GALNT3: variants seen among roughly 807,000 people sequenced by gnomAD.
The protein encoded by GALNT3 is GalNAc transferase 3.
GALNT3 carries 51 observed loss-of-function variants against 69.8 expected under a neutral mutation model. That is an observed-to-expected ratio of 0.73 (90% CI 0.58 to 0.92). GALNT3 has a LOEUF of 0.92. GALNT3 is among the 40% of genes least tolerant of loss of function. The pLI is 0.00. For missense variants in GALNT3, 711 were observed against 760.0 expected (o/e 0.94, Z 0.76); for synonymous variants, 265 against 248.5 (o/e 1.07, Z -0.63).
chr2:165,780,885 A>T (rs1406471347), intron 1 of GALNT3, among the ~76,000 whole-genome samples: 3 of 152,106 alleles, frequency 2.0e-5, no homozygotes, highest in African/African-American at 7.2e-5. Context: ...CGCTAACCTT[A>T]TGGAAAGATA....
Position 165,770,445 on chromosome 2 carries a change from C to G in GALNT3, c.256G>C (p.Val86Leu). 1.2e-6 allele frequency: 2 copies of G among 1,614,236 alleles called. No individual in the cohort carries two copies. Among genetic ancestry groups the G allele is most frequent in the Non-Finnish European group, 1.7e-6 (2 of 1,180,046 alleles). Residue 86 changes from valine to leucine, a missense_variant, in exon 2 of 11, where the codon GTC (valine) becomes CTC (leucine). By Grantham distance (32) the Val-to-Leu change is conservative. Coordinates refer to ENST00000392701, the MANE Select transcript of GALNT3 (RefSeq NM_004482.4). ...TCACCAGCATCAATGTTTTGCCTGACAGGTGCTCCTATTTGCATTTTTGGC... is the reference window on the plus strand; with the variant it reads ...TCACCAGCATCAATGTTTTGCCTGAGAGGTGCTCCTATTTGCATTTTTGGC... Reference protein sequence around the residue: ...AMPKMQIGAPVRQNIDAGERP... With the variant: ...AMPKMQIGAPLRQNIDAGERP...
intron 1 of GALNT3, among the ~76,000 whole-genome samples, chr2:165,786,103 G>A (rs1005717593): frequency 2.6e-5 from 4 of 152,212 alleles, no homozygotes; most frequent in African/African-American, 7.2e-5. Context: ...GGGAGGTCAA[G>A]GAGGGAGAGT....
chr2:165,784,321 G>C (rs953277545), intron 1 of GALNT3, among the ~76,000 whole-genome samples: 1 of 152,180 alleles, frequency 6.6e-6, no homozygotes, highest in Non-Finnish European at 1.5e-5. Context: ...GATTGTCGTT[G>C]AAGTTGTGCT....
Position 165,748,094 on chromosome 2 carries a change from C to G in GALNT3, c.*687G>C, listed in dbSNP as rs191523871. ...TTTAAAAGTGCTTTGGGAAAACACA[C>G]AGTATCATTACTTAAGAAAAGTCAT... On this transcript the variant is annotated 3_prime_UTR_variant, in exon 11 of 11. Transcript: ENST00000392701. 5.5e-6 allele frequency: 1 copy of G among 182,904 alleles called. No homozygotes were observed. The highest frequency in any genetic ancestry group is 1.2e-5 in the Non-Finnish European group (1 of 85,976). 11.3% of individuals were successfully genotyped at this position (182,904 alleles called of 1,614,324 possible).
chr2:165,766,688 G>A (rs1688649201), intron 2 of GALNT3, among the ~76,000 whole-genome samples: 1 of 59,998 alleles, frequency 1.7e-5, no homozygotes, highest in Non-Finnish European at 5.6e-5. Flanking sequence ...TCACCCTTCA[G>A]TTCCTCTGCC....
At position 165,764,871 on chromosome 2, in the gene GALNT3, T is replaced by C; in HGVS notation, c.688+13A>G. 1 of 1,613,782 alleles carries C rather than the reference T, an allele frequency of 6.2e-7. No individual in the cohort carries two copies. Among genetic ancestry groups the C allele is most frequent in the South Asian group, 1.1e-5 (1 of 91,066 alleles). ...GATTTGGGAAACAATCTAATTTGCA[T>C]GTGCTTTCTTACCATCTACACTAGC... is the stretch of plus-strand genomic sequence containing the variant. On this transcript the variant is annotated intron_variant, in intron 3 of 10. Coordinates refer to ENST00000392701, the MANE Select transcript of GALNT3 (RefSeq NM_004482.4).
Position 165,757,049 on chromosome 2 carries a change from GT to G in GALNT3, c.1389del (p.Lys463AsnfsTer14). 1 of 1,610,032 alleles carries G rather than the reference GT, an allele frequency of 6.2e-7. No homozygotes were observed. The highest frequency in any genetic ancestry group is 8.5e-7 in the Non-Finnish European group (1 of 1,176,530). On this transcript the variant is annotated frameshift_variant, in exon 7 of 11. Transcript: ENST00000392701. LOFTEE classifies it high-confidence loss of function. The stretch of plus-strand genomic sequence containing the variant: ...TTAACTACTTAGCTTTAACTTACTT[GT>G]TTAACAATTTTTGCTGCATCTGTAT... Reference protein sequence around the residue: ...RRNTDAAKIVKQKAFGDLSKR... With the variant: ...RRNTDAAKIVXQKAFGDLSKR...
chr2:165,783,673 T>C (rs1451132606), intron 1 of GALNT3, among the ~76,000 whole-genome samples: 1 of 152,194 alleles, frequency 6.6e-6, no homozygotes, highest in Admixed American at 6.5e-5. Flanking sequence ...TGAATAATCA[T>C]AGCTGCATTC....
chr2:165,762,690 C>A (rs900699275), intron 3 of GALNT3, among the ~76,000 whole-genome samples: 1 of 152,114 alleles, frequency 6.6e-6, no homozygotes, highest in Non-Finnish European at 1.5e-5. Context: ...TGGGTATATA[C>A]TTTAAGATAT....
Position 165,770,778 on chromosome 2 carries a change from G to A in GALNT3, c.-78C>T, listed in dbSNP as rs976837225. The A allele has an allele frequency of 6.6e-7, 1 of 1,513,150 alleles. No individual in the cohort carries two copies. Among genetic ancestry groups the A allele is most frequent in the Admixed American group, 1.8e-5 (1 of 55,158 alleles). 93.7% of individuals were successfully genotyped at this position (1,513,150 alleles called of 1,614,324 possible). ...TACTTATATTTTTTATCATAGATTT[G>A]CTGAGAAGAAGGTATCTTTAATGGT... On this transcript the variant is annotated 5_prime_UTR_variant, in exon 2 of 11. Coordinates refer to ENST00000392701, the MANE Select transcript of GALNT3 (RefSeq NM_004482.4).
chr2:165,766,206 C>T (rs1025561291), intron 2 of GALNT3, among the ~76,000 whole-genome samples: 1 of 152,072 alleles, frequency 6.6e-6, no homozygotes, highest in African/African-American at 2.4e-5. Context: ...TTAAAAAAAC[C>T]CTTTAAAAAT....
chr2:165,759,985 A>T (rs1215647225), intron 4 of GALNT3, among the ~76,000 whole-genome samples: 1 of 152,118 alleles, frequency 6.6e-6, no homozygotes, highest in Non-Finnish European at 1.5e-5. Flanking sequence ...TTGTGATGAG[A>T]TGAGGGTAGG....
At position 165,765,076 on chromosome 2, in the gene GALNT3, T is replaced by C. The variant is rs762656269; in HGVS notation, c.516-20A>G. The C allele has an allele frequency of 2.5e-6, 4 of 1,605,140 alleles. No homozygotes were observed. The highest frequency in any genetic ancestry group is 2.2e-5 in the South Asian group (2 of 90,842). ...ATACATCTAGAAGAAGTCAGAGAAG[T>C]AGAAAAACAATTACAAATTTTATTA... is the stretch of plus-strand genomic sequence containing the variant. On this transcript the variant is annotated intron_variant, in intron 2 of 10. Transcript: ENST00000392701.
chr2:165,773,640 G>A (rs1688792914), intron 1 of GALNT3, among the ~76,000 whole-genome samples: 1 of 152,024 alleles, frequency 6.6e-6, no homozygotes, highest in Non-Finnish European at 1.5e-5. Context: ...ATATGGGACT[G>A]GAAATTAGGA....
At chr2:165,759,708 T>C (rs1688510270) in intron 4 of GALNT3, 138 bp from the exon 5 acceptor site, 1 of 683,454 alleles carries the variant, frequency 1.5e-6, no homozygotes, top group Non-Finnish European at 2.6e-6. Flanking sequence ...GGAGATTTCT[T>C]TCTTCCTCAG....
rs1325662757 is a variant in GALNT3, at chr2:165,778,598, C to T, written c.-108-7790G>A. On this transcript the variant is annotated intron_variant, in intron 1 of 10. Transcript: ENST00000392701. ...TAAGTGTTCAAGGAAGGGCTCTCCT[C>T]TCACCAGGGCTGAGATCCAGAGATG... 2.6e-5 allele frequency among the ~76,000 whole-genome samples: 4 copies of T among 152,286 alleles called. No homozygotes were observed. The East Asian group carries it at 7.7e-4, about 29-fold the overall frequency.
chr2:165,774,062 A>T (rs1345962626), intron 1 of GALNT3, among the ~76,000 whole-genome samples: 1 of 152,152 alleles, frequency 6.6e-6, no homozygotes, highest in South Asian at 2.1e-4. Context: ...CAGCAACCTC[A>T]CCTATGGGGT....
intron 1 of GALNT3, among the ~76,000 whole-genome samples, chr2:165,788,078 C>T (rs931811021): frequency 6.6e-6 from 1 of 152,034 alleles, no homozygotes; most frequent in African/African-American, 2.4e-5. Flanking sequence ...CCTATAATCC[C>T]AGCACTTTGG....
At chr2:165,789,789 G>A (rs574498712) in intron 1 of GALNT3, among the ~76,000 whole-genome samples, 1 of 152,256 alleles carries the variant, frequency 6.6e-6, no homozygotes, top group Admixed American at 6.5e-5. Flanking sequence ...CCCCAGCAGG[G>A]CCTGGGCAGT....
Sources: allele counts gnomAD v4.1 joint callset (sites outside exome capture counted in the v4.1 genomes callset), GRCh38; gene constraint gnomAD v4.1.1; transcripts MANE v1.5; gene names NCBI Gene and HGNC (gene_info 2026-07-23, HGNC 2026-07-21).